Variants in PSMA6 observed in about 807,000 individuals in gnomAD.
PSMA6 encodes the protein proteasome 20S subunit alpha 6.
For missense variants in PSMA6, 170 were observed against 294.8 expected (o/e 0.58, Z 3.10); for synonymous variants, 88 against 97.7 (o/e 0.90, Z 0.59).
chr14:35,295,145 C>G (rs1192108561), intron 1 of PSMA6, among the ~76,000 whole-genome samples: 5 of 152,068 alleles, frequency 3.3e-5, no homozygotes, highest in Non-Finnish European at 7.4e-5. Flanking sequence ...GAAGACCAGC[C>G]TGACCAACAT....
At chr14:35,284,559 C>T (rs2051401400) in intron 1 of PSMA6, among the ~76,000 whole-genome samples, 1 of 152,166 alleles carries the variant, frequency 6.6e-6, no homozygotes, top group Admixed American at 6.5e-5. Context: ...GAGCAGCTAG[C>T]CCAGCTTCTT....
intron 1 of PSMA6, among the ~76,000 whole-genome samples, chr14:35,303,503 A>G (rs2051760483): frequency 6.6e-6 from 1 of 152,184 alleles, no homozygotes; most frequent in South Asian, 2.1e-4. Flanking sequence ...ATGAGCCACA[A>G]AAATGGGAAA....
intron 1 of PSMA6, among the ~76,000 whole-genome samples, chr14:35,280,064 G>T (rs2051349308): frequency 6.6e-6 from 1 of 151,738 alleles, no homozygotes; most frequent in Non-Finnish European, 1.5e-5. Flanking sequence ...GGCGGAGCTT[G>T]CAGTGAGCCG....
upstream of PSMA6, among the ~76,000 whole-genome samples, chr14:35,289,435 TTCTCCTGCCTCAACCTC>T (rs2051453530): frequency 6.6e-6 from 1 of 152,080 alleles, no homozygotes; most frequent in South Asian, 2.1e-4. Flanking sequence ...GCTCAAGCGA[TTCTCCTGCCTCAACCTC>T]TCCCGAGTAG....
intron 1 of PSMA6, among the ~76,000 whole-genome samples, chr14:35,300,912 A>G (rs1338177317): frequency 6.6e-6 from 1 of 152,228 alleles, no homozygotes; most frequent in African/African-American, 2.4e-5. Flanking sequence ...AAGCAGGTTT[A>G]TAAAGAGGAA....
At chr14:35,307,895 T>C (rs991006740) in intron 1 of PSMA6, 99 bp from the exon 2 acceptor site, 6 of 1,118,114 alleles carry the variant, frequency 5.4e-6, no homozygotes, top group African/African-American at 1.6e-5. Flanking sequence ...GCATTCTGTG[T>C]TCATGTAGCT....
At chr14:35,303,681 A>G (rs570348932) in intron 1 of PSMA6, among the ~76,000 whole-genome samples, 6 of 152,316 alleles carry the variant, frequency 3.9e-5, no homozygotes, top group African/African-American at 1.2e-4. Context: ...ATCAAGAAGC[A>G]CTTTGAAAGT....
upstream of PSMA6, among the ~76,000 whole-genome samples, chr14:35,288,423 A>G (rs2051443290): frequency 6.6e-6 from 1 of 152,178 alleles, no homozygotes; most frequent in Admixed American, 6.5e-5. Flanking sequence ...ACTTGAACCC[A>G]GGAGACGGAA....
intron 1 of PSMA6, among the ~76,000 whole-genome samples, chr14:35,306,871 G>A (rs1234639571): frequency 2.0e-5 from 3 of 151,958 alleles, no homozygotes; most frequent in Non-Finnish European, 2.9e-5. Context: ...TGTTGGCCTG[G>A]CATGGTGGCT....
In PSMA6 at chr14:35,302,823, G is replaced by A. The variant is rs145922182; in HGVS notation, c.77-5171G>A. The stretch of plus-strand genomic sequence containing the variant: ...CATTTGGTGAATTTTTAAATTTTAC[G>A]TATTATATTTTTCAGTTCTACAATT... On this transcript the variant is annotated intron_variant, in intron 1 of 6. Transcript: ENST00000261479. 1.8e-3 allele frequency among the ~76,000 whole-genome samples: 268 copies of A among 151,712 alleles called. 1 individual carries two copies. The highest frequency in any genetic ancestry group is 6.2e-3 in the African/African-American group (255 of 41,352).
intron 1 of PSMA6, among the ~76,000 whole-genome samples, chr14:35,285,126 A>G (rs2051406447): frequency 6.6e-6 from 1 of 152,154 alleles, no homozygotes; most frequent in South Asian, 2.1e-4. Flanking sequence ...CAGGAGGATC[A>G]CTTAAGCCCA....
chr14:35,309,636 A>G (rs2051901313), intron 3 of PSMA6, among the ~76,000 whole-genome samples: 1 of 152,198 alleles, frequency 6.6e-6, no homozygotes, highest in African/African-American at 2.4e-5. Flanking sequence ...TACCAAAAAT[A>G]CAAAAATTAG....
upstream of PSMA6, among the ~76,000 whole-genome samples, chr14:35,290,713 C>T (rs963405097): frequency 6.6e-6 from 1 of 152,108 alleles, no homozygotes; most frequent in African/African-American, 2.4e-5. Context: ...TGTACACAAA[C>T]CATCTTTATC....
intron 3 of PSMA6, chr14:35,310,234 G>A (rs1594392401): frequency 2.3e-6 from 1 of 429,732 alleles, no homozygotes; most frequent in African/African-American, 2.1e-5. Flanking sequence ...TTGTCGCCCA[G>A]GCTGCTCCGC....
intron 2 of PSMA6, 154 bp from the exon 3 acceptor site, chr14:35,308,760 G>T (rs2051881711): frequency 1.8e-6 from 1 of 564,654 alleles, no homozygotes; most frequent in South Asian, 2.6e-5. Context: ...ACTATAAAAT[G>T]ATCAGAAGAC....
chr14:35,309,318 A>G (rs2051892955), intron 3 of PSMA6, among the ~76,000 whole-genome samples: 1 of 152,228 alleles, frequency 6.6e-6, no homozygotes, highest in Non-Finnish European at 1.5e-5. Flanking sequence ...AAACCTGGTA[A>G]TAATGGCATC....
At chr14:35,292,734 G>C (rs1594377057) in intron 1 of PSMA6, 182 bp downstream of exon 1, 1 of 1,203,198 alleles carries the variant, frequency 8.3e-7, no homozygotes, top group Non-Finnish European at 1.1e-6. Context: ...CGCAGGGATC[G>C]GGGGCCTGAA....
chr14:35,293,018 C>A (rs2051517059), intron 1 of PSMA6: 1 of 457,532 alleles, frequency 2.2e-6, no homozygotes, highest in Non-Finnish European at 4.4e-6. Context: ...CACTGCTAGT[C>A]CTAGGAGATA....
intron 1 of PSMA6, among the ~76,000 whole-genome samples, chr14:35,282,189 A>C (rs1463561002): frequency 6.6e-6 from 1 of 152,184 alleles, no homozygotes; most frequent in Non-Finnish European, 1.5e-5. Context: ...GACAATAATG[A>C]AATTGGAAGT....
Sources: gnomAD v4.1 joint callset for allele counts (sites outside exome capture counted in the v4.1 genomes callset) on GRCh38, gnomAD v4.1.1 for gene constraint, MANE v1.5 for transcripts, NCBI Gene and HGNC (gene_info 2026-07-23, HGNC 2026-07-21) for gene names.